Variants in SLC24A3 observed in about 807,000 individuals in gnomAD.
The protein encoded by SLC24A3 is solute carrier family 24 member 3, also known as sodium/potassium/calcium exchanger 3.
In SLC24A3, 28 loss-of-function variants were observed where a neutral mutation model predicts 75.8. The observed-to-expected ratio is 0.37, with a 90% confidence interval of 0.27 to 0.51. The LOEUF (loss-of-function observed/expected upper bound fraction) is 0.51. Ranked by LOEUF, SLC24A3 falls within the 20% of genes least tolerant of loss-of-function variation. The probability of loss-of-function intolerance (pLI) is 0.94; values close to 1 mark genes in which losing one functional copy is unlikely to be tolerated. For synonymous variants in SLC24A3, 372 were observed against 334.1 expected (o/e 1.11, Z -1.24); for missense variants, 663 against 847.8 (o/e 0.78, Z 2.71).
At chr20:19,389,905 C>A (rs1036621766) in intron 2 of SLC24A3, among the ~76,000 whole-genome samples, 1 of 152,110 alleles carries the variant, frequency 6.6e-6, no homozygotes, top group Non-Finnish European at 1.5e-5. Flanking sequence ...ATCCTTTCTT[C>A]ACTCTTTAAA....
rs1191743596 is a variant in SLC24A3 at position 19,717,521 on chromosome 20, C to T, written c.1720-7C>T. 6.2e-7 allele frequency: 1 copy of T among 1,613,856 alleles called. No homozygotes were observed. Among genetic ancestry groups the T allele is most frequent in the African/African-American group, 1.3e-5 (1 of 74,942 alleles). On this transcript the variant is annotated splice_region_variant and splice_polypyrimidine_tract_variant and intron_variant, in intron 15 of 16. Coordinates refer to ENST00000328041, the MANE Select transcript of SLC24A3 (RefSeq NM_020689.4). ...GTCAGAAGCCTAACTCTAACCCTCT[C>T]TTACAGATCCGGCTGAATAGCAGGG...
chr20:19,373,918 G>A (rs1316147132), intron 2 of SLC24A3, among the ~76,000 whole-genome samples: 1 of 152,162 alleles, frequency 6.6e-6, no homozygotes, highest in Non-Finnish European at 1.5e-5. Flanking sequence ...TAGATCCCTG[G>A]TAGGTTAATC....
intron 6 of SLC24A3, among the ~76,000 whole-genome samples, chr20:19,585,968 T>A (rs2031289391): frequency 6.6e-6 from 1 of 152,162 alleles, no homozygotes; most frequent in South Asian, 2.1e-4. Flanking sequence ...AAACAAAACA[T>A]GCAGTCATCA....
chr20:19,644,507 G>A (rs2032112739), intron 6 of SLC24A3, among the ~76,000 whole-genome samples: 2 of 152,194 alleles, frequency 1.3e-5, no homozygotes, highest in African/African-American at 4.8e-5. Context: ...TTAGCTGTGG[G>A]GAGATTGTCT....
At chr20:19,712,632 C>T (rs1378172511) in intron 15 of SLC24A3, among the ~76,000 whole-genome samples, 3 of 152,158 alleles carry the variant, frequency 2.0e-5, no homozygotes, top group East Asian at 3.9e-4. Flanking sequence ...TGGCCCTCCT[C>T]GATCTTCATT....
intron 6 of SLC24A3, among the ~76,000 whole-genome samples, chr20:19,634,933 T>G (rs888884011): frequency 3.3e-5 from 5 of 152,338 alleles, no homozygotes; most frequent in East Asian, 1.9e-4. Flanking sequence ...CCAACCAAGA[T>G]AGAAGAAATT....
chr20:19,391,265 G>A (rs1438216353), intron 2 of SLC24A3, among the ~76,000 whole-genome samples: 1 of 152,196 alleles, frequency 6.6e-6, no homozygotes, highest in Non-Finnish European at 1.5e-5. Flanking sequence ...CAAGCTCTGG[G>A]CCATAGTGAA....
At chr20:19,577,218 C>A (rs1367269764) in intron 3 of SLC24A3, among the ~76,000 whole-genome samples, 1 of 152,014 alleles carries the variant, frequency 6.6e-6, no homozygotes, top group Non-Finnish European at 1.5e-5. Flanking sequence ...CCACGCGCAG[C>A]TAATTTTTTT....
chr20:19,704,186 G>GAC lies in SLC24A3; in HGVS notation c.1719+5507_1719+5508insCA, dbSNP rs1282170243. 9.9e-3 allele frequency among the ~76,000 whole-genome samples: 583 copies of GAC among 59,122 alleles called. 5 individuals are homozygous for GAC. Among genetic ancestry groups the GAC allele is most frequent in the African/African-American group, 0.046 (554 of 12,128 alleles). The allele number at this position is 59,122 out of a possible 152,430, so 38.8% of individuals were successfully genotyped here. A position where few individuals can be genotyped will look rare whatever the true frequency, so the allele number is the denominator to read the frequency against. On this transcript the variant is annotated intron_variant, in intron 15 of 16. Coordinates refer to ENST00000328041, the MANE Select transcript of SLC24A3 (RefSeq NM_020689.4). ...GGATGGAGAGATGGATGGATGGATG[G>GAC]AGAGATGGATGGATGGATAGATGGA...
intron 1 of SLC24A3, among the ~76,000 whole-genome samples, chr20:19,272,686 T>C (rs752777357): frequency 7.9e-5 from 12 of 152,196 alleles, no homozygotes; most frequent in Non-Finnish European, 1.6e-4. Flanking sequence ...CCCTGAGGGG[T>C]GGGACCCATG....
intron 1 of SLC24A3, among the ~76,000 whole-genome samples, chr20:19,270,541 T>G (rs941604771): frequency 2.6e-5 from 4 of 152,208 alleles, no homozygotes; most frequent in Non-Finnish European, 5.9e-5. Context: ...TACTGATATA[T>G]TATTGTATCC....
chr20:19,274,723 C>T (rs1278781674), intron 1 of SLC24A3, among the ~76,000 whole-genome samples: 2 of 152,194 alleles, frequency 1.3e-5, no homozygotes, highest in Non-Finnish European at 2.9e-5. Flanking sequence ...TCCAAGACTT[C>T]AGGGGGAGGG....
At chr20:19,344,877 G>C (rs558483032) in intron 2 of SLC24A3, among the ~76,000 whole-genome samples, 30 of 152,168 alleles carry the variant, frequency 2.0e-4, no homozygotes, top group Non-Finnish European at 4.0e-4. Context: ...GCTTAACAGT[G>C]AAAGTAATGG....
rs1235721569 is a variant in SLC24A3, at chr20:19,722,198, G to A, written c.*1058G>A. 1 of 152,760 alleles carries A rather than the reference G, an allele frequency of 6.5e-6. No individual in the cohort carries two copies. Among genetic ancestry groups the A allele is most frequent in the Non-Finnish European group, 1.5e-5 (1 of 68,094 alleles). The allele number at this position is 152,760 out of a possible 1,614,324, so 9.5% of individuals were successfully genotyped here. ...TACAGACACTGGTTTCTTGGAAAATGGAGAGAAGCGCACTTTGCACAGACG... is the reference window on the plus strand; with the variant it reads ...TACAGACACTGGTTTCTTGGAAAATAGAGAGAAGCGCACTTTGCACAGACG... On this transcript the variant is annotated 3_prime_UTR_variant, in exon 17 of 17. Coordinates refer to ENST00000328041, the MANE Select transcript of SLC24A3 (RefSeq NM_020689.4).
chr20:19,374,807 T>C (rs968187527), intron 2 of SLC24A3, among the ~76,000 whole-genome samples: 2 of 152,182 alleles, frequency 1.3e-5, no homozygotes, highest in Non-Finnish European at 2.9e-5. Context: ...CTGCATTCTT[T>C]TGTCAAAGGC....
chr20:19,677,598 A>G (rs1362259408), intron 9 of SLC24A3, among the ~76,000 whole-genome samples: 1 of 151,354 alleles, frequency 6.6e-6, no homozygotes, highest in Admixed American at 6.6e-5. Context: ...AGTCCCGGAC[A>G]TCATACTAGT....
chr20:19,678,016 G>A (rs921640023), intron 9 of SLC24A3, among the ~76,000 whole-genome samples: 1 of 151,552 alleles, frequency 6.6e-6, no homozygotes, highest in Non-Finnish European at 1.5e-5. Flanking sequence ...AGAGCACAGG[G>A]TTGGGGGGTA....
At chr20:19,669,574 C>T (rs1339801325) in intron 8 of SLC24A3, among the ~76,000 whole-genome samples, 1 of 152,074 alleles carries the variant, frequency 6.6e-6, no homozygotes, top group Non-Finnish European at 1.5e-5. Flanking sequence ...AGAGCATTCC[C>T]GTGTTGTTGC....
At chr20:19,252,204 T>C (rs540439629) in intron 1 of SLC24A3, among the ~76,000 whole-genome samples, 2 of 152,306 alleles carry the variant, frequency 1.3e-5, no homozygotes, top group African/African-American at 2.4e-5. Context: ...GAGTGGGCCA[T>C]GTTAGCCAGA....
Sources: gnomAD v4.1 joint callset for allele counts (sites outside exome capture counted in the v4.1 genomes callset) on GRCh38, gnomAD v4.1.1 for gene constraint, MANE v1.5 for transcripts, NCBI Gene and HGNC (gene_info 2026-07-23, HGNC 2026-07-21) for gene names.